Variants in NAV2 observed in about 807,000 individuals in gnomAD.
The protein encoded by NAV2 is helicase, APC down-regulated 1.
A neutral mutation model predicts 223.2 loss-of-function variants in NAV2; 54 were observed. That is an observed-to-expected ratio of 0.24 (90% CI 0.19 to 0.30). The LOEUF is 0.30. Among genes scored for constraint, NAV2 ranks in the 10% least tolerant of loss-of-function variants. NAV2 has a pLI of 1.00. For missense variants in NAV2, 2,806 were observed against 3,147.5 expected (o/e 0.89, Z 2.60); for synonymous variants, 1,279 against 1,239.3 (o/e 1.03, Z -0.67).
chr11:19,449,515 G>A (rs1328559231), intron 1 of NAV2, among the ~76,000 whole-genome samples: 1 of 151,790 alleles, frequency 6.6e-6, no homozygotes, highest in African/African-American at 2.4e-5. Context: ...TCTATACTAA[G>A]CCTGCCCATA....
chr11:19,570,234 A>G (rs1160552911), intron 1 of NAV2, among the ~76,000 whole-genome samples: 1 of 152,248 alleles, frequency 6.6e-6, no homozygotes, highest in Non-Finnish European at 1.5e-5. Flanking sequence ...GCTGTGTGTC[A>G]TTAGGCAGGT....
chr11:19,528,540 G>A (rs566368265), intron 1 of NAV2, among the ~76,000 whole-genome samples: 1 of 152,286 alleles, frequency 6.6e-6, no homozygotes, highest in South Asian at 2.1e-4. Context: ...AGAGGCGGCT[G>A]GAAGGCATTT....
chr11:19,616,749 AC>A (rs914162540), intron 1 of NAV2, among the ~76,000 whole-genome samples: 5 of 151,738 alleles, frequency 3.3e-5, no homozygotes, highest in African/African-American at 1.2e-4. Context: ...CTCTCAGCAA[AC>A]CCCAGCCCTA....
At chr11:19,548,018 T>C (rs1295688090) in intron 1 of NAV2, among the ~76,000 whole-genome samples, 1 of 152,178 alleles carries the variant, frequency 6.6e-6, no homozygotes, top group East Asian at 1.9e-4. Flanking sequence ...CAGCCACACA[T>C]CACCTAGCTG....
At chr11:20,020,426 C>T (rs2054399216) in intron 11 of NAV2, among the ~76,000 whole-genome samples, 1 of 152,222 alleles carries the variant, frequency 6.6e-6, no homozygotes, top group African/African-American at 2.4e-5. Flanking sequence ...TTGAAAAGCG[C>T]CAAAGGGCAT....
chr11:20,053,523 C>G lies in NAV2; in HGVS notation c.4482-557C>G, dbSNP rs1402696519. Among the ~76,000 whole-genome samples, 6 of 152,218 alleles carry G rather than the reference C, an allele frequency of 3.9e-5. No homozygotes were observed. In the East Asian group the frequency reaches 1.2e-3, roughly 29 times the overall value. ...GGACCACATAACTTCTGAAGACCCT[C>G]TCCTATAAAACTCAACAATTTGGGG... On this transcript the variant is annotated intron_variant, in intron 17 of 37. Transcript: ENST00000349880.
At chr11:19,877,264 C>T (rs1412600843) in intron 4 of NAV2, among the ~76,000 whole-genome samples, 1 of 151,876 alleles carries the variant, frequency 6.6e-6, no homozygotes, top group East Asian at 1.9e-4. Context: ...CTGATACACA[C>T]TGGTTAATAA....
rs1554970793 is a variant in NAV2, at chr11:20,108,888, G to GT, written c.6960+1108dup. On this transcript the variant is annotated intron_variant, in intron 36 of 37. Coordinates refer to ENST00000349880, the MANE Select transcript of NAV2 (RefSeq NM_145117.5). The stretch of plus-strand genomic sequence containing the variant: ...GTTCTGTAGGCTTTTAACACTCACA[G>GT]TTAGTAATCAGCAGACATCACATGT... 2.0e-5 allele frequency among the ~76,000 whole-genome samples: 3 copies of GT among 152,216 alleles called. 1 individual carries two copies. The highest frequency in any genetic ancestry group is 4.4e-5 in the Non-Finnish European group (3 of 68,042).
At chr11:19,817,288 T>G (rs913969547) in intron 1 of NAV2, among the ~76,000 whole-genome samples, 16 of 152,228 alleles carry the variant, frequency 1.1e-4, no homozygotes, top group African/African-American at 4.8e-5. Context: ...AGTGATTATA[T>G]AGCCTCACAT....
At chr11:19,662,384 C>T (rs529422303) in intron 1 of NAV2, among the ~76,000 whole-genome samples, 7 of 152,344 alleles carry the variant, frequency 4.6e-5, no homozygotes, top group African/African-American at 1.7e-4. Flanking sequence ...TTACTCCCTG[C>T]CCATCAGTGG....
intron 1 of NAV2, among the ~76,000 whole-genome samples, chr11:19,640,389 A>G (rs2047631291): frequency 6.6e-6 from 1 of 151,904 alleles, no homozygotes; most frequent in Admixed American, 6.6e-5. Context: ...ATATGTATGC[A>G]CACAAATACA....
chr11:19,676,962 G>A (rs1002682160), intron 1 of NAV2, among the ~76,000 whole-genome samples: 9 of 152,192 alleles, frequency 5.9e-5, no homozygotes, highest in African/African-American at 2.2e-4. Flanking sequence ...ATGTGATTGT[G>A]TGTGCATGTG....
intron 1 of NAV2, among the ~76,000 whole-genome samples, chr11:19,703,544 G>A (rs900522795): frequency 1.3e-5 from 2 of 152,226 alleles, no homozygotes; most frequent in Non-Finnish European, 2.9e-5. Flanking sequence ...TACCCGCACC[G>A]CTGGAGCTGA....
intron 1 of NAV2, among the ~76,000 whole-genome samples, chr11:19,537,190 T>C (rs1386574109): frequency 6.6e-6 from 1 of 152,172 alleles, no homozygotes; most frequent in Non-Finnish European, 1.5e-5. Context: ...TAGGCACTAC[T>C]ATATGTGATA....
At chr11:19,939,491 A>G (rs1430104736) in intron 7 of NAV2, among the ~76,000 whole-genome samples, 170 bp from the exon 8 acceptor site, 1 of 152,120 alleles carries the variant, frequency 6.6e-6, no homozygotes, top group Non-Finnish European at 1.5e-5. Flanking sequence ...TTCTTAGGAC[A>G]TTGCTCCACA....
At chr11:19,496,824 C>CA (rs566830746) in intron 1 of NAV2, among the ~76,000 whole-genome samples, 1 of 152,034 alleles carries the variant, frequency 6.6e-6, no homozygotes, top group Admixed American at 6.6e-5. Flanking sequence ...CACTAAAAAA[C>CA]AAAAAACAAA....
intron 6 of NAV2, among the ~76,000 whole-genome samples, chr11:19,922,388 T>C (rs1189511702): frequency 1.3e-5 from 2 of 152,202 alleles, no homozygotes; most frequent in Non-Finnish European, 2.9e-5. Flanking sequence ...GTCTCTGTCA[T>C]TTTGGCCACT....
intron 11 of NAV2, among the ~76,000 whole-genome samples, chr11:19,991,752 G>A (rs1208829213): frequency 6.6e-6 from 1 of 151,988 alleles, no homozygotes; most frequent in Non-Finnish European, 1.5e-5. Context: ...CTTCCTACTG[G>A]CCCAAGTGAG....
At chr11:20,074,931 C>T (rs1358129955) in intron 22 of NAV2, among the ~76,000 whole-genome samples, 1 of 151,946 alleles carries the variant, frequency 6.6e-6, no homozygotes, top group Non-Finnish European at 1.5e-5. Context: ...GGGCATTTAG[C>T]CTGTTTACAA....
Sources: gnomAD v4.1 joint callset for allele counts (sites outside exome capture counted in the v4.1 genomes callset) on GRCh38, gnomAD v4.1.1 for gene constraint, MANE v1.5 for transcripts, NCBI Gene and HGNC (gene_info 2026-07-23, HGNC 2026-07-21) for gene names.